The following SCML4 variants were observed in gnomAD, a reference collection of about 807,000 sequenced individuals.
SCML4 encodes the protein Scm polycomb group protein like 4.
In SCML4, 34 loss-of-function variants were observed where a neutral mutation model predicts 41.1. The ratio of observed to expected loss-of-function variants is 0.83; its 90% confidence interval spans 0.63 to 1.10. SCML4 has a LOEUF of 1.10. SCML4 is among the 50% of genes least tolerant of loss of function. The pLI is 0.00. For synonymous variants in SCML4, 214 were observed against 220.9 expected (o/e 0.97, Z 0.28); for missense variants, 522 against 534.1 (o/e 0.98, Z 0.22).
At chr6:107,732,110 C>G (rs903145170) in intron 5 of SCML4, 7 of 152,262 alleles carry the variant, frequency 4.6e-5, no homozygotes, top group African/African-American at 1.4e-4. Context: ...TCCTGGTGAC[C>G]AAAACCTGAA....
chr6:107,712,128 G>T (rs1774282512), intron 6 of SCML4, among the ~76,000 whole-genome samples: 1 of 152,124 alleles, frequency 6.6e-6, no homozygotes, highest in South Asian at 2.1e-4. Flanking sequence ...AAAGACATCT[G>T]CACTCAACAT....
chr6:107,745,709 CA>C (rs1778012112), intron 4 of SCML4: 2 of 152,458 alleles, frequency 1.3e-5, no homozygotes, highest in African/African-American at 4.8e-5. Context: ...TAAGGAAGTA[CA>C]GAGAGGCGGG....
At chr6:107,712,457 T>C (rs1046366455) in intron 6 of SCML4, among the ~76,000 whole-genome samples, 1 of 152,132 alleles carries the variant, frequency 6.6e-6, no homozygotes, top group African/African-American at 2.4e-5. Flanking sequence ...GAGGAGGCTC[T>C]CAGGACGATT....
chr6:107,799,307 G>A (rs761384318), intron 1 of SCML4, among the ~76,000 whole-genome samples: 1 of 152,094 alleles, frequency 6.6e-6, no homozygotes, highest in Non-Finnish European at 1.5e-5. Context: ...TTATTATTAT[G>A]AGTGTCCCTC....
upstream of SCML4, among the ~76,000 whole-genome samples, chr6:107,826,323 G>A (rs1785261019): frequency 6.6e-6 from 1 of 151,430 alleles, no homozygotes; most frequent in Non-Finnish European, 1.5e-5. Context: ...AAAAGAAAAG[G>A]AAAGAAAAGG....
At position 107,778,971 on chromosome 6, in the gene SCML4, G is replaced by A. The variant is rs544853617; in HGVS notation, c.-59-6585C>T. Among the ~76,000 whole-genome samples the A allele has an allele frequency of 1.3e-4, 20 of 152,198 alleles. No individual in the cohort carries two copies. The South Asian group carries it at 3.9e-3, about 30-fold the overall frequency. On this transcript the variant is annotated intron_variant, in intron 1 of 7. Transcript: ENST00000369020. ...CGAGGCGGGCGGATCACGAGGTCAG[G>A]AGATCAAGACCATCCTGGCTAACAC...
intron 5 of SCML4, chr6:107,732,465 C>T (rs1385255744): frequency 6.6e-6 from 1 of 152,240 alleles, no homozygotes; most frequent in Non-Finnish European, 1.5e-5. Context: ...TTTTTTCTCC[C>T]CTAATGAGAT....
intron 2 of SCML4, among the ~76,000 whole-genome samples, chr6:107,755,355 G>A (rs368285754): frequency 5.3e-5 from 8 of 152,156 alleles, no homozygotes; most frequent in South Asian, 2.1e-4. Flanking sequence ...AATATCCTTC[G>A]CTAGATAAAA....
chr6:107,708,061 G>A, intron 6 of SCML4, 50 bp from the exon 7 acceptor site: 1 of 1,535,966 alleles, frequency 6.5e-7, no homozygotes, highest in Non-Finnish European at 8.8e-7. Context: ...ACAGGGCCTT[G>A]CACCTACCTG....
intron 1 of SCML4, among the ~76,000 whole-genome samples, chr6:107,794,858 G>A (rs1323456934): frequency 2.0e-5 from 3 of 152,116 alleles, no homozygotes; most frequent in Admixed American, 1.3e-4. Context: ...TCTGTTTCCT[G>A]TCCCTTTCCT....
intron 1 of SCML4, among the ~76,000 whole-genome samples, chr6:107,815,673 C>A (rs4945794): frequency 3.9e-5 from 6 of 152,174 alleles, no homozygotes; most frequent in African/African-American, 1.2e-4. Context: ...TGCCCAGAGG[C>A]GGGTGCCTGC....
chr6:107,801,009 C>T (rs1214009065), intron 1 of SCML4, among the ~76,000 whole-genome samples: 1 of 152,204 alleles, frequency 6.6e-6, no homozygotes, highest in African/African-American at 2.4e-5. Context: ...TTTCTGCGTT[C>T]CTTCATCATT....
At chr6:107,777,807 T>C (rs1781075080) in intron 1 of SCML4, among the ~76,000 whole-genome samples, 1 of 152,122 alleles carries the variant, frequency 6.6e-6, no homozygotes, top group Non-Finnish European at 1.5e-5. Context: ...TCCCCACAGG[T>C]GGCAGCTGGG....
intron 1 of SCML4, among the ~76,000 whole-genome samples, chr6:107,784,731 G>T (rs556451135): frequency 6.6e-6 from 1 of 152,232 alleles, no homozygotes; most frequent in Non-Finnish European, 1.5e-5. Flanking sequence ...ATCAGCCAGG[G>T]CCAGCTGCCC....
intron 2 of SCML4, among the ~76,000 whole-genome samples, chr6:107,755,184 A>T (rs138863811): frequency 6.6e-6 from 1 of 152,238 alleles, no homozygotes; most frequent in Non-Finnish European, 1.5e-5. Flanking sequence ...ATTGGCTGTT[A>T]CTTCTGTCCA....
At chr6:107,816,421 A>G (rs1784554575) in intron 1 of SCML4, among the ~76,000 whole-genome samples, 1 of 152,176 alleles carries the variant, frequency 6.6e-6, no homozygotes, top group Non-Finnish European at 1.5e-5. Flanking sequence ...AGGCTCGGGG[A>G]TGCCATGATA....
intron 5 of SCML4, among the ~76,000 whole-genome samples, chr6:107,729,541 A>G (rs891110373): frequency 6.6e-6 from 1 of 152,236 alleles, no homozygotes; most frequent in African/African-American, 2.4e-5. Context: ...GATACCCGAG[A>G]ATTTGAACAT....
At chr6:107,759,632 A>T (rs1779418270) in intron 2 of SCML4, among the ~76,000 whole-genome samples, 1 of 152,194 alleles carries the variant, frequency 6.6e-6, no homozygotes, top group South Asian at 2.1e-4. Context: ...TATGTTAGTT[A>T]TAAAACACTA....
chr6:107,766,522 A>G (rs868298271), intron 2 of SCML4, among the ~76,000 whole-genome samples: 3 of 152,242 alleles, frequency 2.0e-5, no homozygotes, highest in Non-Finnish European at 4.4e-5. Flanking sequence ...AGTCATTCTC[A>G]GTCTTGACAA....
Sources: allele counts gnomAD v4.1 joint callset (sites outside exome capture counted in the v4.1 genomes callset), GRCh38; gene constraint gnomAD v4.1.1; transcripts MANE v1.5; gene names NCBI Gene and HGNC (gene_info 2026-07-23, HGNC 2026-07-21).